The following SAMD12 variants were observed in gnomAD, a reference collection of about 807,000 sequenced individuals.
SAMD12 encodes the protein sterile alpha motif domain-containing protein 12.
SAMD12 carries 9 observed loss-of-function variants against 15.0 expected under a neutral mutation model. The observed-to-expected ratio is 0.60, with a 90% confidence interval of 0.36 to 1.05. SAMD12 has a LOEUF of 1.05. Ranked by LOEUF, SAMD12 falls within the 50% of genes least tolerant of loss-of-function variation. The pLI, the probability that SAMD12 is intolerant of heterozygous loss-of-function variation, is 0.01. For missense variants in SAMD12, 230 were observed against 234.2 expected, an observed-to-expected ratio of 0.98 and a Z score of 0.12; for synonymous variants, 86 against 90.1, an observed-to-expected ratio of 0.96 and a Z score of 0.25.
chr8:118,256,822 G>A lies in SAMD12; in HGVS notation c.434-59090C>T, dbSNP rs148053303. Among the ~76,000 whole-genome samples, 726 of 85,018 alleles carry A rather than the reference G, an allele frequency of 8.5e-3. 4 individuals are homozygous for A. Among genetic ancestry groups the A allele is most frequent in the African/African-American group, 0.019 (480 of 25,060 alleles). The allele number at this position is 85,018 out of a possible 152,430, so 55.8% of individuals were successfully genotyped here. A position where few individuals can be genotyped will look rare whatever the true frequency, so the allele number is the denominator to read the frequency against. The stretch of plus-strand genomic sequence containing the variant: ...CACACACACACACACACACACACAC[G>A]CACACATTCTTTTTAGCTACGGAAT... On this transcript the variant is annotated intron_variant, in intron 4 of 4. Coordinates refer to the SAMD12 transcript ENST00000409003.
At chr8:118,506,859 T>A (rs2131054664) in intron 2 of SAMD12, among the ~76,000 whole-genome samples, 1 of 151,044 alleles carries the variant, frequency 6.6e-6, no homozygotes, top group East Asian at 1.9e-4. Flanking sequence ...CCACAGCTGA[T>A]CAGGAACCTT....
At chr8:118,515,185 A>ATTTTTTTTTTT (rs55864364) in intron 2 of SAMD12, among the ~76,000 whole-genome samples, 64 of 103,300 alleles carry the variant, frequency 6.2e-4, no homozygotes, top group African/African-American at 1.0e-3. Context: ...CGCCCAGCTA[A>ATTTTTTTTTTT]TTTTTTTTTT....
rs181931265 is a variant in SAMD12, at chr8:118,514,008, G to A, written c.192+66707C>T. ...AACAGCTAAAATGCATATTTTAAGC[G>A]AAATTTTTATTATTAAATACTGGTA... On this transcript the variant is annotated intron_variant, in intron 2 of 3. Coordinates refer to ENST00000314727, the MANE Select transcript of SAMD12 (RefSeq NM_207506.3). Among the ~76,000 whole-genome samples, 403 of 152,262 alleles carry A rather than the reference G, an allele frequency of 2.6e-3. 1 individual carries two copies. The highest frequency in any genetic ancestry group is 9.1e-3 in the African/African-American group (379 of 41,538).
At chr8:118,621,484 C>T (rs1412614365) in intron 1 of SAMD12, 5 of 423,446 alleles carry the variant, frequency 1.2e-5, no homozygotes, top group Non-Finnish European at 2.1e-5. Flanking sequence ...AAAAGGGCAT[C>T]TCGGGGCCAA....
intron 2 of SAMD12, among the ~76,000 whole-genome samples, chr8:118,516,651 T>TTTGG (rs1825253623): frequency 6.6e-6 from 1 of 151,354 alleles, no homozygotes; most frequent in African/African-American, 2.4e-5. Context: ...TTTTTTTTTT[T>TTTGG]GGAGATGGAG....
chr8:118,339,526 G>C (rs16890858), intron 4 of SAMD12, among the ~76,000 whole-genome samples: 1 of 152,092 alleles, frequency 6.6e-6, no homozygotes. Flanking sequence ...CAAAACTCTG[G>C]TGTCTATCCT....
chr8:118,263,086 C>T (rs1813116971), intron 4 of SAMD12, among the ~76,000 whole-genome samples: 1 of 151,990 alleles, frequency 6.6e-6, no homozygotes, highest in Admixed American at 6.6e-5. Context: ...GCCTGCCACC[C>T]TTGTTTTATC....
chr8:118,421,978 G>A (rs1033402272), intron 3 of SAMD12, among the ~76,000 whole-genome samples: 1 of 152,206 alleles, frequency 6.6e-6, no homozygotes, highest in African/African-American at 2.4e-5. Context: ...CCAAGAACAA[G>A]ACAGGAAGAC....
At chr8:118,408,179 C>T (rs1452697496) in intron 3 of SAMD12, among the ~76,000 whole-genome samples, 1 of 152,098 alleles carries the variant, frequency 6.6e-6, no homozygotes, top group Non-Finnish European at 1.5e-5. Flanking sequence ...GATAAGTATC[C>T]TCAAACTCAG....
intron 3 of SAMD12, among the ~76,000 whole-genome samples, chr8:118,384,910 A>C (rs919855895): frequency 6.6e-6 from 1 of 152,148 alleles, no homozygotes; most frequent in Non-Finnish European, 1.5e-5. Context: ...TGTATTGTTT[A>C]GCCTTATTAG....
chr8:118,159,706 T>G, the SAMD12 span, among the ~76,000 whole-genome samples: 1 of 11,292 alleles, frequency 8.9e-5, no homozygotes, highest in Non-Finnish European at 2.2e-4. Flanking sequence ...TAACAAATTT[T>G]TTCTTTTTTT....
At chr8:118,291,513 T>C (rs981676154) in intron 4 of SAMD12, among the ~76,000 whole-genome samples, 1 of 152,140 alleles carries the variant, frequency 6.6e-6, no homozygotes, top group Non-Finnish European at 1.5e-5. Context: ...CCCCTTATGG[T>C]CTAATTATTC....
chr8:118,145,522 A>G, the SAMD12 span, among the ~76,000 whole-genome samples: 1 of 152,306 alleles, frequency 6.6e-6, no homozygotes, highest in African/African-American at 2.4e-5. Flanking sequence ...AAATTTGAAT[A>G]AGAATGTAGT....
At chr8:118,168,176 G>T in the SAMD12 span, among the ~76,000 whole-genome samples, 3 of 152,138 alleles carry the variant, frequency 2.0e-5, no homozygotes. Flanking sequence ...TTTCTTCCCA[G>T]TCTCAGATAT....
intron 2 of SAMD12, among the ~76,000 whole-genome samples, chr8:118,574,702 C>T (rs1363311335): frequency 6.6e-6 from 1 of 152,156 alleles, no homozygotes; most frequent in Non-Finnish European, 1.5e-5. Flanking sequence ...TATACATGTA[C>T]TGGGGTCCTG....
At chr8:118,499,579 T>C (rs1489345875) in intron 2 of SAMD12, among the ~76,000 whole-genome samples, 1 of 152,190 alleles carries the variant, frequency 6.6e-6, no homozygotes, top group Non-Finnish European at 1.5e-5. Flanking sequence ...TTCAATACTG[T>C]TTTACATTTC....
At chr8:118,366,253 G>T (rs1393772073) in intron 4 of SAMD12, among the ~76,000 whole-genome samples, 1 of 152,226 alleles carries the variant, frequency 6.6e-6, no homozygotes. Context: ...ACTTTTCCTT[G>T]TAACCTTTTC....
At chr8:118,240,651 T>C (rs1194576872) in intron 4 of SAMD12, among the ~76,000 whole-genome samples, 2 of 152,140 alleles carry the variant, frequency 1.3e-5, no homozygotes, top group Admixed American at 1.3e-4. Context: ...ATGGAAGCTA[T>C]AATTATTGTT....
Position 118,543,631 on chromosome 8 carries a change from C to CTTTTTTTT in SAMD12, c.192+37076_192+37083dup, listed in dbSNP as rs397978436. Among the ~76,000 whole-genome samples the CTTTTTTTT allele has an allele frequency of 1.1e-3, 127 of 116,606 alleles. 2 individuals carry two copies. Among genetic ancestry groups the CTTTTTTTT allele is most frequent in the African/African-American group, 4.1e-3 (112 of 27,542 alleles). The allele number at this position is 116,606 out of a possible 152,430, so 76.5% of individuals were successfully genotyped here. A position where few individuals can be genotyped will look rare whatever the true frequency, so the allele number is the denominator to read the frequency against. ...TTTTTTTTCTTTTCTTTCTTTCTTT[C>CTTTTTTTT]TTTTTTTTTTTTTTTTTAGCTCACC... On this transcript the variant is annotated intron_variant, in intron 2 of 3. Coordinates refer to ENST00000314727, the MANE Select transcript of SAMD12 (RefSeq NM_207506.3).
Sources: gnomAD v4.1 joint callset for allele counts (sites outside exome capture counted in the v4.1 genomes callset) on GRCh38, gnomAD v4.1.1 for gene constraint, MANE v1.5 for transcripts, NCBI Gene and HGNC (gene_info 2026-07-23, HGNC 2026-07-21) for gene names.